The following KCNIP4 variants were observed in gnomAD, a reference collection of about 807,000 sequenced individuals.
KCNIP4 encodes the protein Kv channel-interacting protein 4.
A neutral mutation model predicts 34.0 loss-of-function variants in KCNIP4; 12 were observed. The ratio of observed to expected loss-of-function variants is 0.35; its 90% CI spans 0.23 to 0.57. The LOEUF is 0.57. Ranked by LOEUF, KCNIP4 falls within the 20% of genes least tolerant of loss-of-function variation. The pLI is 0.83. For missense variants in KCNIP4, 238 were observed against 311.7 expected (o/e 0.76, Z 1.78); for synonymous variants, 124 against 102.2 (o/e 1.21, Z -1.29).
chr4:21,704,088 C>G (rs1379180986), intron 1 of KCNIP4, among the ~76,000 whole-genome samples: 1 of 152,112 alleles, frequency 6.6e-6, no homozygotes, highest in Non-Finnish European at 1.5e-5. Context: ...GGAAAGACAG[C>G]CTTTCAACAG....
rs188200922 is a variant in KCNIP4, at chr4:21,905,510, T to A, written c.61+43061A>T. 6.7e-3 allele frequency among the ~76,000 whole-genome samples: 1,013 copies of A among 152,250 alleles called. 9 individuals are homozygous for A. Among genetic ancestry groups the A allele is most frequent in the Non-Finnish European group, 0.011 (740 of 68,012 alleles). Reference sequence around the variant, plus strand: ...ATGTTGGTGTGGCACATATACACCATGGAATACTATGCAGCCATAAAAAAT... The same window carrying A: ...ATGTTGGTGTGGCACATATACACCAAGGAATACTATGCAGCCATAAAAAAT... On this transcript the variant is annotated intron_variant, in intron 1 of 8. Transcript: ENST00000382152.
chr4:21,350,379 C>T (rs1176862374), intron 1 of KCNIP4, among the ~76,000 whole-genome samples: 1 of 152,116 alleles, frequency 6.6e-6, no homozygotes, highest in Non-Finnish European at 1.5e-5. Flanking sequence ...ATTGAGACCC[C>T]CACCAGTGAC....
chr4:21,864,940 G>T (rs115394105), intron 1 of KCNIP4, among the ~76,000 whole-genome samples: 1 of 152,192 alleles, frequency 6.6e-6, no homozygotes, highest in Admixed American at 6.5e-5. Context: ...TTCAGCACAT[G>T]CCACATGCTG....
intron 1 of KCNIP4, among the ~76,000 whole-genome samples, chr4:21,780,899 C>A (rs1378153391): frequency 6.6e-6 from 1 of 152,110 alleles, no homozygotes; most frequent in Non-Finnish European, 1.5e-5. Context: ...AACCCCAGTC[C>A]ATCCTTTGGC....
chr4:20,983,401 T>C (rs1244315170), intron 1 of KCNIP4, among the ~76,000 whole-genome samples: 1 of 152,184 alleles, frequency 6.6e-6, no homozygotes, highest in Non-Finnish European at 1.5e-5. Flanking sequence ...TCCTAACTAA[T>C]GAGGGACACA....
intron 1 of KCNIP4, chr4:21,851,429 T>C (rs1465260275): frequency 6.6e-6 from 1 of 151,798 alleles, no homozygotes; most frequent in South Asian, 2.1e-4. Context: ...TTGGAAGGGG[T>C]TGAGGGATGA....
At chr4:20,871,463 T>A (rs551270789) in intron 2 of KCNIP4, among the ~76,000 whole-genome samples, 6 of 148,626 alleles carry the variant, frequency 4.0e-5, no homozygotes, top group South Asian at 2.1e-4. Context: ...GGAATACATT[T>A]AAAAAAAAAA....
At chr4:21,103,577 C>CTTTAT (rs544880490) in intron 1 of KCNIP4, among the ~76,000 whole-genome samples, 77 of 150,892 alleles carry the variant, frequency 5.1e-4, no homozygotes, top group Non-Finnish European at 1.1e-3. Flanking sequence ...GCATTTTTTA[C>CTTTAT]TTTATTTTAT....
Position 21,758,330 on chromosome 4 carries a change from A to G in KCNIP4, c.61+190241T>C, listed in dbSNP as rs187050341. Among the ~76,000 whole-genome samples the G allele has an allele frequency of 2.9e-3, 449 of 152,346 alleles. 3 individuals are homozygous for G. The highest frequency in any genetic ancestry group is 4.5e-3 in the Non-Finnish European group (308 of 68,038). ...TAAAACAAAATAATGTGAATAGAGTAACTGAAGATGTGTGTATGGTTTTGT... is the reference window on the plus strand; with the variant it reads ...TAAAACAAAATAATGTGAATAGAGTGACTGAAGATGTGTGTATGGTTTTGT... On this transcript the variant is annotated intron_variant, in intron 1 of 8. Coordinates refer to ENST00000382152, the MANE Select transcript of KCNIP4 (RefSeq NM_025221.6).
intron 1 of KCNIP4, among the ~76,000 whole-genome samples, chr4:20,890,234 A>G (rs1439833135): frequency 6.6e-6 from 1 of 152,232 alleles, no homozygotes. Flanking sequence ...ACCTTACACG[A>G]TATTTAGGAA....
intron 1 of KCNIP4, among the ~76,000 whole-genome samples, chr4:21,257,012 T>C (rs1761103695): frequency 6.6e-6 from 1 of 152,206 alleles, no homozygotes; most frequent in Admixed American, 6.5e-5. Flanking sequence ...CATTTTTCCA[T>C]GCCACAATCG....
At chr4:21,939,274 A>G (rs1730060762) in intron 1 of KCNIP4, among the ~76,000 whole-genome samples, 3 of 152,182 alleles carry the variant, frequency 2.0e-5, no homozygotes, top group Non-Finnish European at 4.4e-5. Context: ...GGTTACATCC[A>G]TAACTTTAAC....
intron 2 of KCNIP4, among the ~76,000 whole-genome samples, chr4:20,868,820 A>T (rs1480920291): frequency 1.3e-5 from 2 of 152,120 alleles, no homozygotes; most frequent in African/African-American, 4.8e-5. Context: ...AACAGTAGAC[A>T]CTACAGACTA....
chr4:21,090,536 C>T (rs1373212214), intron 1 of KCNIP4, among the ~76,000 whole-genome samples: 1 of 152,188 alleles, frequency 6.6e-6, no homozygotes, highest in Non-Finnish European at 1.5e-5. Context: ...AAACAATTCA[C>T]ACTAAAGGTA....
At chr4:21,764,861 C>T (rs1335737089) in intron 1 of KCNIP4, among the ~76,000 whole-genome samples, 3 of 152,120 alleles carry the variant, frequency 2.0e-5, no homozygotes, top group Non-Finnish European at 2.9e-5. Context: ...GTGGAGTGTA[C>T]AGGCATTGAA....
chr4:21,269,786 AGTTGGGGG>A (rs937532422), intron 1 of KCNIP4, among the ~76,000 whole-genome samples: 47 of 152,300 alleles, frequency 3.1e-4, no homozygotes, highest in African/African-American at 9.9e-4. Flanking sequence ...ATGGCTCAAA[AGTTGGGGG>A]GAAGAAAAGG....
chr4:21,520,405 A>G lies in KCNIP4; in HGVS notation c.61+428166T>C, dbSNP rs183437038. Among the ~76,000 whole-genome samples the G allele has an allele frequency of 2.0e-4, 31 of 152,246 alleles. 1 individual carries two copies. In the East Asian group the frequency reaches 3.5e-3, roughly 17 times the overall value. ...GCCACCAGGTCTACTGTATTTTGTTATAGTAGCCAGAATTGACTAAGACAG... is the reference window on the plus strand; with the variant it reads ...GCCACCAGGTCTACTGTATTTTGTTGTAGTAGCCAGAATTGACTAAGACAG... On this transcript the variant is annotated intron_variant, in intron 1 of 8. Coordinates refer to ENST00000382152, the MANE Select transcript of KCNIP4 (RefSeq NM_025221.6).
intron 1 of KCNIP4, among the ~76,000 whole-genome samples, chr4:21,714,594 T>C (rs1216320504): frequency 6.6e-6 from 1 of 151,522 alleles, no homozygotes; most frequent in Non-Finnish European, 1.5e-5. Context: ...AGAGAGAATA[T>C]GACTTGGTAG....
rs565811786 is a variant in KCNIP4 at position 21,365,213 on chromosome 4, G to A, written c.62-482504C>T. ...TATTGAAATCATCAAAGGCCAGTGC[G>A]GTGGTTCATGCCTGTAATCCCAGCA... On this transcript the variant is annotated intron_variant, in intron 1 of 8. Coordinates refer to ENST00000382152, the MANE Select transcript of KCNIP4 (RefSeq NM_025221.6). 6.9e-4 allele frequency among the ~76,000 whole-genome samples: 105 copies of A among 152,130 alleles called. 1 individual carries two copies. The highest frequency in any genetic ancestry group is 2.4e-3 in the African/African-American group (98 of 41,518).
Sources: gnomAD v4.1 joint callset for allele counts (sites outside exome capture counted in the v4.1 genomes callset) on GRCh38, gnomAD v4.1.1 for gene constraint, MANE v1.5 for transcripts, NCBI Gene and HGNC (gene_info 2026-07-23, HGNC 2026-07-21) for gene names.